The following EIF4G3 variants were observed in gnomAD, a reference collection of about 807,000 sequenced individuals.
EIF4G3 encodes eIF-4-gamma 3.
In EIF4G3, 34 loss-of-function variants were observed where a neutral mutation model predicts 186.4. That is an observed-to-expected ratio of 0.18 (90% confidence interval 0.14 to 0.24). The LOEUF is 0.24. EIF4G3 is among the 10% of genes least tolerant of loss of function. The pLI is 1.00. For synonymous variants in EIF4G3, 673 were observed against 679.5 expected, an observed-to-expected ratio of 0.99 and a Z score of 0.15; for missense variants, 1,536 against 1,948.5, an observed-to-expected ratio of 0.79 and a Z score of 3.99.
At chr1:21,089,053 C>A in intron 3 of EIF4G3, 85 bp downstream of exon 3, 1 of 661,764 alleles carries the variant, frequency 1.5e-6, no homozygotes, top group South Asian at 1.7e-5. Context: ...TGTCATGTGT[C>A]AATCAAACAA....
At chr1:20,891,616 C>CAAAAAAAAAAAAA (rs11343165) in intron 18 of EIF4G3, among the ~76,000 whole-genome samples, 1 of 81,658 alleles carries the variant, frequency 1.2e-5, no homozygotes, top group Non-Finnish European at 2.4e-5. Flanking sequence ...ACTAAAAATA[C>CAAAAAAAAAAAAA]AAAAAAAAAA....
Position 20,861,568 on chromosome 1 carries a change from AGAGTTAAAG to A in EIF4G3, c.3111+651_3111+659del, listed in dbSNP as rs143419811. Among the ~76,000 whole-genome samples the A allele has an allele frequency of 6.6e-4, 100 of 152,346 alleles. 2 individuals are homozygous for A. The East Asian group carries it at 0.018, about 27-fold the overall frequency. ...TAGAGATTAAAAATGTAAGGCTCAG[AGAGTTAAAG>A]GTATTTACTGTGGAGATGAGACTTG... On this transcript the variant is annotated intron_variant, in intron 23 of 36. Coordinates refer to ENST00000602326, the MANE Select transcript of EIF4G3 (RefSeq NM_001391906.1).
intron 22 of EIF4G3, among the ~76,000 whole-genome samples, chr1:20,863,663 C>T (rs911949238): frequency 4.6e-5 from 7 of 151,576 alleles, no homozygotes; most frequent in African/African-American, 9.7e-5. Flanking sequence ...AGGCTGGTCA[C>T]GAACTCCTGA....
rs568404829 is a variant in EIF4G3 at position 21,176,267 on chromosome 1, T to C, written c.-364A>G. 3,327 of 296,244 alleles carry C rather than the reference T, an allele frequency of 0.011. 23 individuals are homozygous for C. Among genetic ancestry groups the C allele is most frequent in the South Asian group, 0.018 (136 of 7,710 alleles). The allele number at this position is 296,244 out of a possible 1,614,324, so 18.4% of individuals were successfully genotyped here. A position where few individuals can be genotyped will look rare whatever the true frequency, so the allele number is the denominator to read the frequency against. ...CCGCCGCCGCCGCCGCCGCCGCCGC[T>C]GCTGCCGCCGCCGGGTGAGGAGGCG... On this transcript the variant is annotated 5_prime_UTR_variant, in exon 2 of 37. Transcript: ENST00000602326.
chr1:21,104,732 T>C (rs1296857647), intron 2 of EIF4G3, among the ~76,000 whole-genome samples: 2 of 152,190 alleles, frequency 1.3e-5, no homozygotes, highest in Non-Finnish European at 2.9e-5. Flanking sequence ...CAAAGGAATA[T>C]AAATCGTTCT....
At chr1:21,029,633 T>G (rs1051710391) in intron 4 of EIF4G3, among the ~76,000 whole-genome samples, 2 of 152,056 alleles carry the variant, frequency 1.3e-5, no homozygotes, top group Non-Finnish European at 2.9e-5. Context: ...TTGATTTTTT[T>G]AAAACAAAGA....
At chr1:20,945,149 A>G (rs2095882222) in intron 13 of EIF4G3, among the ~76,000 whole-genome samples, 1 of 152,166 alleles carries the variant, frequency 6.6e-6, no homozygotes, top group Non-Finnish European at 1.5e-5. Flanking sequence ...ATTAAAAAAA[A>G]AAACACTTAT....
At chr1:21,012,747 G>C (rs1008312298) in intron 4 of EIF4G3, among the ~76,000 whole-genome samples, 1 of 152,128 alleles carries the variant, frequency 6.6e-6, no homozygotes, top group African/African-American at 2.4e-5. Flanking sequence ...CACTTGGATG[G>C]ACAGAACAAC....
At chr1:20,811,001 G>T in intron 35 of EIF4G3, 117 bp from the exon 36 acceptor site, 2 of 989,018 alleles carry the variant, frequency 2.0e-6, no homozygotes, top group Non-Finnish European at 2.9e-6. Context: ...CCAGGCTGGA[G>T]TGCAGTGGCA....
chr1:20,829,333 A>G (rs2064482216), intron 30 of EIF4G3, 61 bp from the exon 31 acceptor site: 1 of 1,576,168 alleles, frequency 6.3e-7, no homozygotes, highest in Non-Finnish European at 8.6e-7. Flanking sequence ...AAAATTAAAT[A>G]AAGAGATAAA....
chr1:21,171,326 A>G (rs1012450674), intron 2 of EIF4G3, among the ~76,000 whole-genome samples: 3 of 152,218 alleles, frequency 2.0e-5, no homozygotes, highest in African/African-American at 7.2e-5. Context: ...TTATTCCAGA[A>G]CTTACTTTCC....
At chr1:20,817,949 C>T (rs984690210) in intron 33 of EIF4G3, among the ~76,000 whole-genome samples, 2 of 152,070 alleles carry the variant, frequency 1.3e-5, no homozygotes, top group Non-Finnish European at 2.9e-5. Flanking sequence ...GACGGGATTA[C>T]AGGCATGACT....
chr1:20,922,823 T>C (rs539603364), intron 14 of EIF4G3, among the ~76,000 whole-genome samples: 1 of 152,354 alleles, frequency 6.6e-6, no homozygotes, highest in African/African-American at 2.4e-5. Context: ...AGGATAAGGA[T>C]TGTATTTTGT....
At chr1:20,831,730 G>T (rs528911251) in intron 30 of EIF4G3, among the ~76,000 whole-genome samples, 6 of 149,572 alleles carry the variant, frequency 4.0e-5, no homozygotes, top group Admixed American at 4.0e-4. Flanking sequence ...CTAGCATTAG[G>T]TATATCTCCC....
At chr1:20,922,725 C>T (rs2094568896) in intron 14 of EIF4G3, among the ~76,000 whole-genome samples, 1 of 152,234 alleles carries the variant, frequency 6.6e-6, no homozygotes, top group South Asian at 2.1e-4. Flanking sequence ...ACATTTTTAC[C>T]AACCCACTTA....
intron 12 of EIF4G3, among the ~76,000 whole-genome samples, chr1:20,952,445 C>T (rs568546006): frequency 2.3e-4 from 35 of 152,234 alleles, no homozygotes; most frequent in East Asian, 1.9e-3. Context: ...TAAGCCACTG[C>T]GCCCCGCCAG....
intron 2 of EIF4G3, among the ~76,000 whole-genome samples, chr1:21,126,582 G>C (rs1452118972): frequency 1.3e-5 from 2 of 151,830 alleles, no homozygotes; most frequent in African/African-American, 4.8e-5. Context: ...CTTGATCCCA[G>C]GAGTTTCAGG....
At chr1:21,164,690 T>C (rs2097826068) in intron 2 of EIF4G3, among the ~76,000 whole-genome samples, 1 of 151,954 alleles carries the variant, frequency 6.6e-6, no homozygotes, top group Admixed American at 6.6e-5. Flanking sequence ...TGAAATCCCG[T>C]CTCTACAAAA....
At chr1:21,108,901 T>TAAAA (rs2096665094) in intron 2 of EIF4G3, among the ~76,000 whole-genome samples, 1 of 37,840 alleles carries the variant, frequency 2.6e-5, no homozygotes, top group East Asian at 1.0e-3. Flanking sequence ...AGACTCCATC[T>TAAAA]CAAAAAAAAA....
Sources: gnomAD v4.1 joint callset for allele counts (sites outside exome capture counted in the v4.1 genomes callset) on GRCh38, gnomAD v4.1.1 for gene constraint, MANE v1.5 for transcripts, NCBI Gene and HGNC (gene_info 2026-07-23, HGNC 2026-07-21) for gene names.